The following MAMSTR variants were observed in gnomAD, a reference collection of about 807,000 sequenced individuals.
MAMSTR encodes the protein MEF2-activating motif and SAP domain-containing transcriptional regulator.
A neutral mutation model predicts 42.7 loss-of-function variants in MAMSTR; 41 were observed. The ratio of observed to expected loss-of-function variants is 0.96; its 90% CI spans 0.75 to 1.25. The LOEUF (loss-of-function observed/expected upper bound fraction) is 1.25, where lower values mean the gene tolerates loss of function less well. Among genes scored for constraint, MAMSTR ranks in the 50% most tolerant of loss-of-function variants. The pLI is 0.00. For synonymous variants in MAMSTR, 265 were observed against 244.1 expected, an observed-to-expected ratio of 1.09 and a Z score of -0.80; for missense variants, 567 against 557.6, an observed-to-expected ratio of 1.02 and a Z score of -0.17.
At chr19:48,714,270 C>A in intron 7 of MAMSTR, 96 bp downstream of exon 7, 2 of 1,110,056 alleles carry the variant, frequency 1.8e-6, no homozygotes, top group Non-Finnish European at 2.4e-6. Context: ...CGCTGGTCCT[C>A]GCCCCCACAC....
the MAMSTR span, among the ~76,000 whole-genome samples, chr19:48,706,548 A>G: frequency 6.6e-5 from 10 of 152,018 alleles, no homozygotes; most frequent in Non-Finnish European, 1.3e-4. Context: ...GAGACAGAAG[A>G]ATCGCTTGAA....
chr19:48,718,524 A>AG (rs1159427221), intron 2 of MAMSTR, among the ~76,000 whole-genome samples: 3 of 151,302 alleles, frequency 2.0e-5, no homozygotes, highest in Middle Eastern at 6.8e-3. Context: ...AGTAGCTGGG[A>AG]TTACAGGCAT....
At chr19:48,710,596 A>ATTT (rs35728097), downstream of MAMSTR, among the ~76,000 whole-genome samples, 1 of 115,346 alleles carries the variant, frequency 8.7e-6, no homozygotes, top group African/African-American at 3.4e-5. Flanking sequence ...CCTGAAACCT[A>ATTT]TTTTTTTTTT....
downstream of MAMSTR, among the ~76,000 whole-genome samples, chr19:48,707,838 G>GAAAGAAAGAAAGAAA (rs1376262803): frequency 1.1e-5 from 1 of 90,994 alleles, no homozygotes; most frequent in Non-Finnish European, 2.1e-5. Context: ...AAGAAAGAAA[G>GAAAGAAAGAAAGAAA]GAAAGAAAGA....
Position 48,713,857 on chromosome 19 carries a change from T to A in MAMSTR, c.909+3A>T. On this transcript the variant is annotated splice_donor_region_variant and intron_variant, in intron 8 of 9. Transcript: ENST00000318083. ...TAGCCGGATTCAACCCACACCCTCTTACCTGCGCCCTCCGGATCGCTTCCT... is the reference window on the plus strand; with the variant it reads ...TAGCCGGATTCAACCCACACCCTCTAACCTGCGCCCTCCGGATCGCTTCCT... 1 of 1,613,528 alleles carries A rather than the reference T, an allele frequency of 6.2e-7. No homozygotes were observed. Among genetic ancestry groups the A allele is most frequent in the Non-Finnish European group, 8.5e-7 (1 of 1,179,560 alleles).
At chr19:48,715,865 G>T (rs2032999720) in intron 3 of MAMSTR, 98 bp from the exon 4 acceptor site, 6 of 1,479,686 alleles carry the variant, frequency 4.1e-6, no homozygotes, top group Non-Finnish European at 5.3e-6. Context: ...GGTGCCGGAG[G>T]GCAGGCCAGG....
chr19:48,713,389 G>T lies in MAMSTR; in HGVS notation c.1126C>A (p.Leu376Met). The change falls in exon 10 of 10, where the codon CTG becomes ATG. Residue 376 changes from leucine (L) to methionine (M), a missense_variant. Coordinates refer to ENST00000318083, the MANE Select transcript of MAMSTR (RefSeq NM_001130915.2). Reference protein sequence around the residue: ...PRDPTDSLDWLEALSGGPPLG... With the variant: ...PRDPTDSLDWMEALSGGPPLG... The stretch of plus-strand genomic sequence containing the variant: ...GGAGGACCCCCGCTCAGGGCCTCCA[G>T]CCAGTCCAGGGAGTCCGTGGGGTCC... 1 of 1,612,810 alleles carries T rather than the reference G, an allele frequency of 6.2e-7. No homozygotes were observed. Among genetic ancestry groups the T allele is most frequent in the Non-Finnish European group, 8.5e-7 (1 of 1,179,604 alleles).
downstream of MAMSTR, among the ~76,000 whole-genome samples, chr19:48,708,078 T>C (rs961303897): frequency 1.3e-5 from 2 of 151,284 alleles, no homozygotes; most frequent in Non-Finnish European, 2.9e-5. Context: ...CTACTAAAAA[T>C]ACAAAATTAG....
chr19:48,716,899 C>A (rs2033061855), intron 2 of MAMSTR, 156 bp from the exon 3 acceptor site: 3 of 1,216,688 alleles, frequency 2.5e-6, no homozygotes, highest in African/African-American at 3.1e-5. Flanking sequence ...CAGCAGGCTC[C>A]CTTCCTCGGG....
intron 4 of MAMSTR, 36 bp from the exon 5 acceptor site, chr19:48,715,482 C>A (rs1309129074): frequency 6.8e-7 from 1 of 1,467,572 alleles, no homozygotes; most frequent in East Asian, 2.5e-5. Flanking sequence ...GGCTTCAGCG[C>A]GGCTCCCACC....
Position 48,719,072 on chromosome 19 carries a change from G to C in MAMSTR, c.-21-20C>G, listed in dbSNP as rs949730440. 1 of 1,539,758 alleles carries C rather than the reference G, an allele frequency of 6.5e-7. No homozygotes were observed. The highest frequency in any genetic ancestry group is 1.4e-5 in the African/African-American group (1 of 72,834). Reference sequence around the variant, plus strand: ...GGGGACCTGGACGGAGAGGGGGCAGGGCAGGGGCCCCATAGAGGGCTGGCT... The same window carrying C: ...GGGGACCTGGACGGAGAGGGGGCAGCGCAGGGGCCCCATAGAGGGCTGGCT... On this transcript the variant is annotated intron_variant, in intron 1 of 9. Transcript: ENST00000318083. This position sits in a 1 kb window ranked among gnomAD's most constrained non-coding sequence, Gnocchi z 4.4.
rs1265927240 is a variant in MAMSTR at position 48,715,661 on chromosome 19, C to A, written c.204G>T (p.Glu68Asp). 1 of 1,543,616 alleles carries A rather than the reference C, an allele frequency of 6.5e-7. No individual in the cohort carries two copies. The highest frequency in any genetic ancestry group is 8.7e-7 in the Non-Finnish European group (1 of 1,144,996). Residue 68 changes from glutamate (E) to aspartate (D), a missense_variant, in exon 4 of 10, where the codon GAG becomes GAT. Glu to Asp is a conservative substitution (Grantham distance 45, BLOSUM62 2). Transcript: ENST00000318083. Reference sequence around the variant, plus strand: ...ACCTCCAAGGAGGACAATATTCTGGCTCGGGGAGCAGGACCCCAGGGCTGA... The same window carrying A: ...ACCTCCAAGGAGGACAATATTCTGGATCGGGGAGCAGGACCCCAGGGCTGA... ...FLFSPGVLLP[E>D]PEYCPPWRSP...
chr19:48,714,310 C>T (rs2032881870), intron 7 of MAMSTR, 56 bp downstream of exon 7: 7 of 1,321,426 alleles, frequency 5.3e-6, no homozygotes, highest in African/African-American at 1.5e-5. Flanking sequence ...GACACCCCGC[C>T]CCGGCCCACT....
Position 48,713,884 on chromosome 19 carries a change from C to T in MAMSTR, c.885G>A (p.Leu295=), listed in dbSNP as rs1329588369. ...CCTGCGCCCTCCGGATCGCTTCCTGCAGCTCCTCCTCCAGAGTCAGAGCCG... is the reference window on the plus strand; with the variant it reads ...CCTGCGCCCTCCGGATCGCTTCCTGTAGCTCCTCCTCCAGAGTCAGAGCCG... ...GSAALTLEEE[L]QEAIRRAQLL... The change falls in exon 8 of 10, where the codon CTG becomes CTA. Residue 295 remains leucine (L), a synonymous_variant. Transcript: ENST00000318083. The T allele has an allele frequency of 6.2e-7, 1 of 1,612,072 alleles. No homozygotes were observed. Among genetic ancestry groups the T allele is most frequent in the South Asian group, 1.1e-5 (1 of 90,922 alleles).
downstream of MAMSTR, among the ~76,000 whole-genome samples, chr19:48,707,873 AAGAAAGAAAG>A (rs1487926749): frequency 9.5e-5 from 11 of 115,766 alleles, no homozygotes; most frequent in Non-Finnish European, 1.9e-4. Flanking sequence ...GAAAGAAAGA[AAGAAAGAAAG>A]AAAGAAAAGA....
chr19:48,714,179 ATTCT>A, intron 7 of MAMSTR, 134 bp from the exon 8 acceptor site: 1 of 1,078,578 alleles, frequency 9.3e-7, no homozygotes, highest in Non-Finnish European at 1.3e-6. Flanking sequence ...CTCGCCCCCT[ATTCT>A]TTCATTGGCT....
chr19:48,707,888 A>AGG (rs1555755224), downstream of MAMSTR, among the ~76,000 whole-genome samples: 2 of 80,418 alleles, frequency 2.5e-5, 1 homozygote, highest in African/African-American at 1.1e-4. Context: ...AGAAAGAAAG[A>AGG]AAAGAAAGAA....
At chr19:48,715,891 G>T (rs1022420655) in intron 3 of MAMSTR, 124 bp from the exon 4 acceptor site, 35 of 1,450,800 alleles carry the variant, frequency 2.4e-5, no homozygotes, top group Non-Finnish European at 3.1e-5. Flanking sequence ...AGACTTGATT[G>T]CTGGGAGATG....
At chr19:48,709,336 C>T (rs572510644), downstream of MAMSTR, among the ~76,000 whole-genome samples, 2 of 151,980 alleles carry the variant, frequency 1.3e-5, no homozygotes, top group South Asian at 2.1e-4. Flanking sequence ...TTAGTAGAGG[C>T]GGGGTTTCTC....
Sources: gnomAD v4.1 joint callset for allele counts (sites outside exome capture counted in the v4.1 genomes callset) on GRCh38, gnomAD v4.1.1 for gene constraint, Gnocchi (gnomAD v3.1) non-coding constraint, MANE v1.5 for transcripts, NCBI Gene and HGNC (gene_info 2026-07-23, HGNC 2026-07-21) for gene names.